ZNF732: variants seen among roughly 807,000 people sequenced by gnomAD.
The protein encoded by ZNF732 is zinc finger protein 732.
A neutral mutation model predicts 11.5 loss-of-function variants in ZNF732; 12 were observed. The observed-to-expected ratio is 1.05, with a 90% confidence interval of 0.67 to 1.70. The LOEUF is 1.70. ZNF732 is among the 40% of genes most tolerant of loss of function. The pLI is 0.00. For synonymous variants in ZNF732, 231 were observed against 236.5 expected, an observed-to-expected ratio of 0.98 and a Z score of 0.21; for missense variants, 702 against 676.9, an observed-to-expected ratio of 1.04 and a Z score of -0.41.
chr4:275,074 A>G (rs907962168), intron 3 of ZNF732, among the ~76,000 whole-genome samples: 1 of 151,734 alleles, frequency 6.6e-6, no homozygotes, highest in African/African-American at 2.4e-5. Flanking sequence ...ACTGTAGAGA[A>G]CACTGCTCAG....
intron 1 of ZNF732, among the ~76,000 whole-genome samples, chr4:302,398 A>G (rs1553843743): frequency 6.6e-6 from 1 of 152,208 alleles, no homozygotes; most frequent in Non-Finnish European, 1.5e-5. Context: ...ACAGAAACTC[A>G]CCATAATTCT....
At chr4:294,345 A>T (rs552297163) in intron 3 of ZNF732, among the ~76,000 whole-genome samples, 1 of 152,236 alleles carries the variant, frequency 6.6e-6, no homozygotes. Context: ...CTTCGTTTCC[A>T]AGAATCTATC....
chr4:300,860 A>G (rs1720102057), intron 1 of ZNF732, among the ~76,000 whole-genome samples: 1 of 152,202 alleles, frequency 6.6e-6, no homozygotes, highest in Admixed American at 6.5e-5. Flanking sequence ...AAAAGCCAAA[A>G]TTGACAAATG....
At chr4:297,962 C>T (rs1057165186) in intron 1 of ZNF732, among the ~76,000 whole-genome samples, 8 of 152,162 alleles carry the variant, frequency 5.3e-5, no homozygotes, top group Non-Finnish European at 1.0e-4. Flanking sequence ...TTTGTCTTTT[C>T]TAAGCCTCCC....
At chr4:295,366 T>C in intron 3 of ZNF732, 72 bp downstream of exon 3, 1 of 1,278,362 alleles carries the variant, frequency 7.8e-7, no homozygotes, top group Non-Finnish European at 1.1e-6. Flanking sequence ...CCAAACTACA[T>C]TTTAAGGCCT....
In ZNF732 at chr4:279,842, C is replaced by T. The variant is rs144844754; in HGVS notation, c.227-7212G>A. 1.7e-3 allele frequency among the ~76,000 whole-genome samples: 254 copies of T among 152,200 alleles called. 1 individual carries two copies. Among genetic ancestry groups the T allele is most frequent in the African/African-American group, 5.9e-3 (244 of 41,534 alleles). ...TAATTTTTTACTGTTTCTTTGACTA[C>T]TCACCTATAAAAGAAAACAGTGATG... On this transcript the variant is annotated intron_variant, in intron 3 of 3. Transcript: ENST00000419098.
At chr4:293,715 T>A (rs1229861285) in intron 3 of ZNF732, among the ~76,000 whole-genome samples, 2 of 152,146 alleles carry the variant, frequency 1.3e-5, no homozygotes, top group Non-Finnish European at 2.9e-5. Context: ...CCAAAAAAAA[T>A]GGTTAGCTAT....
At chr4:299,562 T>G (rs2108661684) in intron 1 of ZNF732, among the ~76,000 whole-genome samples, 1 of 139,500 alleles carries the variant, frequency 7.2e-6, no homozygotes, top group Non-Finnish European at 1.5e-5. Flanking sequence ...TGTATATATA[T>G]AGTTTTATAT....
chr4:286,152 G>A (rs557247604), intron 3 of ZNF732, among the ~76,000 whole-genome samples: 1 of 152,276 alleles, frequency 6.6e-6, no homozygotes, highest in African/African-American at 2.4e-5. Context: ...AATATAACAA[G>A]CAATCCTGAA....
Position 299,457 on chromosome 4 carries a change from A to G in ZNF732, c.4-3302T>C, listed in dbSNP as rs199903291. On this transcript the variant is annotated intron_variant, in intron 1 of 3. Transcript: ENST00000419098. ...TGTGTATATATATATATATACACAT[A>G]TGTGTATATATATATACACATATAT... Among the ~76,000 whole-genome samples the G allele has an allele frequency of 8.8e-4, 36 of 40,796 alleles. 4 individuals are homozygous for G. In the South Asian group the frequency reaches 0.011, roughly 12 times the overall value. 26.8% of individuals were successfully genotyped at this position (40,796 alleles called of 152,430 possible).
chr4:277,160 T>C (rs1016820270), intron 3 of ZNF732, among the ~76,000 whole-genome samples: 1 of 151,978 alleles, frequency 6.6e-6, no homozygotes, highest in Non-Finnish European at 1.5e-5. Flanking sequence ...CAAATACAGA[T>C]TTAAATGGGA....
In ZNF732 at chr4:271,918, T is replaced by A. The variant is rs782629401; in HGVS notation, c.939A>T (p.Lys313Asn). The A allele has an allele frequency of 2.5e-6, 4 of 1,611,306 alleles. No individual in the cohort carries two copies. Among genetic ancestry groups the A allele is most frequent in the Middle Eastern group, 1.6e-4 (1 of 6,082 alleles). ...TAAGGGTTGTGGACCTATTAAAGAC[T>A]TTGCCACATTCCTGACATTTGTAGA... ...EKLYKCQECG[K>N]VFNRSTTLTK... Residue 313 changes from lysine (K) to asparagine (N), a missense_variant, in exon 4 of 4, where the codon AAA becomes AAT. Physicochemically the swap from Lys to Asn is moderately conservative, Grantham distance 94. Transcript: ENST00000419098.
At chr4:300,454 C>CAAAAAAAAAA (rs559629684) in intron 1 of ZNF732, among the ~76,000 whole-genome samples, 29 of 57,998 alleles carry the variant, frequency 5.0e-4, no homozygotes, top group East Asian at 1.8e-3. Flanking sequence ...GACTCTGTCT[C>CAAAAAAAAAA]AAAAAAAAAA....
In ZNF732 at chr4:272,156, G is replaced by A. The variant is rs1553837802; in HGVS notation, c.701C>T (p.Thr234Ile). ...TCEECGNIFTTSSNFAKHKVH... is the reference protein window; with the variant it reads ...TCEECGNIFTISSNFAKHKVH... Reference sequence around the variant, plus strand: ...TTTATGTTTAGCAAAGTTTGAGGATGTGGTAAAGATGTTGCCACATTCTTC... The same window carrying A: ...TTTATGTTTAGCAAAGTTTGAGGATATGGTAAAGATGTTGCCACATTCTTC... Residue 234 changes from threonine to isoleucine, a missense_variant, in exon 4 of 4, where the codon ACA (threonine) becomes ATA (isoleucine). Thr to Ile is a moderately conservative substitution (Grantham distance 89). Around this residue, in one of 3 missense-constraint regions of ZNF732, gnomAD observed 596 missense variants for 557.9 expected, o/e 1.07. Transcript: ENST00000419098. 1.2e-6 allele frequency: 2 copies of A among 1,612,420 alleles called. No individual in the cohort carries two copies. Among genetic ancestry groups the A allele is most frequent in the African/African-American group, 1.3e-5 (1 of 74,582 alleles).
At chr4:286,464 T>A (rs1719734531) in intron 3 of ZNF732, among the ~76,000 whole-genome samples, 1 of 152,236 alleles carries the variant, frequency 6.6e-6, no homozygotes, top group African/African-American at 2.4e-5. Flanking sequence ...TTATTCAGCT[T>A]CTTAAAAGCA....
At position 270,792 on chromosome 4, in the gene ZNF732, C is replaced by A; in HGVS notation, c.*307G>T. The A allele has an allele frequency of 1.8e-6, 1 of 551,414 alleles. No individual in the cohort carries two copies. 34.2% of individuals were successfully genotyped at this position (551,414 alleles called of 1,614,324 possible). A position where few individuals can be genotyped will look rare whatever the true frequency, so the allele number is the denominator to read the frequency against. ...AGGATTCATCTCCCATATGAATTTT[C>A]TTATGTTCACTCAGGGTTGTGGACC... On this transcript the variant is annotated 3_prime_UTR_variant, in exon 4 of 4. Coordinates refer to ENST00000419098, the MANE Select transcript of ZNF732 (RefSeq NM_001137608.3).
chr4:273,204 A>G (rs1719424909), intron 3 of ZNF732, among the ~76,000 whole-genome samples: 1 of 152,084 alleles, frequency 6.6e-6, no homozygotes, highest in African/African-American at 2.4e-5. Context: ...GGAAACATGA[A>G]CAAACCCTTT....
intron 1 of ZNF732, among the ~76,000 whole-genome samples, chr4:297,000 TG>T (rs1341407669): frequency 6.6e-6 from 1 of 152,274 alleles, no homozygotes; most frequent in East Asian, 1.9e-4. Flanking sequence ...CCAGGGGTGG[TG>T]GCTCATGCCT....
intron 3 of ZNF732, among the ~76,000 whole-genome samples, chr4:285,483 C>T (rs1560160411): frequency 6.6e-6 from 1 of 152,178 alleles, no homozygotes; most frequent in Non-Finnish European, 1.5e-5. Context: ...GCTCTCAGTA[C>T]AATTCCTGAG....
Sources: allele counts gnomAD v4.1 joint callset (sites outside exome capture counted in the v4.1 genomes callset), GRCh38; gene constraint gnomAD v4.1.1; regional missense constraint gnomAD v4.1.1; transcripts MANE v1.5; gene names NCBI Gene and HGNC (gene_info 2026-07-23, HGNC 2026-07-21).